Variants in RUFY2 observed in about 807,000 individuals in gnomAD.
RUFY2 encodes the protein RUN and FYVE domain containing 2.
Under a neutral mutation model 94.4 loss-of-function variants are expected in RUFY2, and 49 were observed. That is an observed-to-expected ratio of 0.52 (90% confidence interval 0.41 to 0.66). The LOEUF is 0.66. Among genes scored for constraint, RUFY2 ranks in the 30% least tolerant of loss-of-function variants. The pLI is 0.00. For missense variants in RUFY2, 541 were observed against 692.8 expected, an observed-to-expected ratio of 0.78 and a Z score of 2.46; for synonymous variants, 255 against 235.7, an observed-to-expected ratio of 1.08 and a Z score of -0.75.
chr10:68,386,499 G>A (rs1180981650), intron 7 of RUFY2, among the ~76,000 whole-genome samples: 5 of 152,046 alleles, frequency 3.3e-5, no homozygotes, highest in Admixed American at 6.6e-5. Context: ...ACAGGCGTGC[G>A]CCACCATGCC....
At chr10:68,348,182 A>C (rs1247048351) in intron 16 of RUFY2, among the ~76,000 whole-genome samples, 1 of 150,368 alleles carries the variant, frequency 6.7e-6, no homozygotes, top group Non-Finnish European at 1.5e-5. Context: ...CTTGAATCAT[A>C]GAATTTTTTT....
chr10:68,402,017 T>G (rs988279227), intron 2 of RUFY2, among the ~76,000 whole-genome samples: 1 of 152,324 alleles, frequency 6.6e-6, no homozygotes, highest in Admixed American at 6.5e-5. Flanking sequence ...GCACTCATTC[T>G]CTACCAATAC....
In RUFY2 at chr10:68,354,415, ATCC is replaced by A. The variant is rs558993399; in HGVS notation, c.1599+935_1599+937del. On this transcript the variant is annotated intron_variant, in intron 16 of 17. Transcript: ENST00000602465. ...GGTCTTGAACTCCTGGCCTCAAGCA[ATCC>A]TCCTGCCTTGGCCTCCCAAAGTGCT... Among the ~76,000 whole-genome samples the A allele has an allele frequency of 1.1e-4, 16 of 152,226 alleles. No individual in the cohort carries two copies. The East Asian group carries it at 3.1e-3, about 29-fold the overall frequency.
At position 68,376,939 on chromosome 10, in the gene RUFY2, A is replaced by G; in HGVS notation, c.1239T>C (p.Ala413=). The G allele has an allele frequency of 6.2e-7, 1 of 1,613,764 alleles. No homozygotes were observed. Among genetic ancestry groups the G allele is most frequent in the Non-Finnish European group, 8.5e-7 (1 of 1,179,906 alleles). ...LQQAEKAQME[A]EDEDEKYLQE... ...GTAGATATTTCTCATCCTCATCTTC[A>G]GCTTCCATTTGCGCCTTCTCTGCTT... The change falls in exon 13 of 18, where the codon GCT becomes GCC. Residue 413 remains alanine, a synonymous_variant. Transcript: ENST00000602465.
chr10:68,368,729 A>C (rs2048041740), intron 13 of RUFY2, among the ~76,000 whole-genome samples: 1 of 152,190 alleles, frequency 6.6e-6, no homozygotes, highest in Non-Finnish European at 1.5e-5. Context: ...GAACTCCAGG[A>C]ATCAAAGAAC....
intron 1 of RUFY2, among the ~76,000 whole-genome samples, chr10:68,406,209 G>A (rs1394219207): frequency 1.3e-5 from 2 of 151,972 alleles, no homozygotes; most frequent in Admixed American, 1.3e-4. Context: ...CAATGATCTA[G>A]TATTCCAGCT....
intron 3 of RUFY2, among the ~76,000 whole-genome samples, chr10:68,400,416 C>T (rs1469264676): frequency 6.6e-6 from 1 of 152,134 alleles, no homozygotes; most frequent in Non-Finnish European, 1.5e-5. Flanking sequence ...GTGGCTCACG[C>T]CTGTAATCCC....
At chr10:68,374,753 G>C (rs1030355048) in intron 13 of RUFY2, among the ~76,000 whole-genome samples, 2 of 151,922 alleles carry the variant, frequency 1.3e-5, no homozygotes, top group Non-Finnish European at 2.9e-5. Flanking sequence ...TTCCATTGTT[G>C]TTTTCTTTTT....
intron 7 of RUFY2, among the ~76,000 whole-genome samples, chr10:68,392,562 T>G (rs2050080559): frequency 6.6e-6 from 1 of 152,104 alleles, no homozygotes; most frequent in African/African-American, 2.4e-5. Context: ...ACCTTAGCCT[T>G]TTTTGTCAAG....
chr10:68,363,533 T>C, intron 15 of RUFY2, 57 bp downstream of exon 15: 1 of 1,170,784 alleles, frequency 8.5e-7, no homozygotes, highest in Non-Finnish European at 1.2e-6. Context: ...TTTGGCACAC[T>C]TATACCTTTT....
intron 15 of RUFY2, 101 bp downstream of exon 15, chr10:68,363,489 T>C (rs911180231): frequency 6.8e-6 from 5 of 738,994 alleles, no homozygotes; most frequent in African/African-American, 3.6e-5. Context: ...CTAGTTCGTA[T>C]CTTTCCTATA....
chr10:68,366,680 T>C (rs2047844428), intron 13 of RUFY2, among the ~76,000 whole-genome samples: 1 of 147,014 alleles, frequency 6.8e-6, no homozygotes, highest in African/African-American at 2.5e-5. Context: ...AGGTAGAGGT[T>C]GCAGTGAGCT....
Position 68,394,127 on chromosome 10 carries a change from T to A in RUFY2, c.532A>T (p.Ile178Phe). The change falls in exon 6 of 18, where the codon ATT becomes TTT. Residue 178 changes from isoleucine to phenylalanine, a missense_variant. Physicochemically the swap from Ile to Phe is conservative, Grantham distance 21 (BLOSUM62 0). This residue lies in a region of RUFY2 where 403 missense variants were observed against 480.7 expected (regional missense o/e 0.84). Coordinates refer to ENST00000602465, the MANE Select transcript of RUFY2 (RefSeq NM_001330103.2). ...GEDLDSQVGV[I>F]DFSMYLKNEE... ...TTCTTTAAATACATAGAAAAATCAA[T>A]CACTCCAACCTGAAGTAAATAAAGT... The A allele has an allele frequency of 6.7e-7, 1 of 1,501,542 alleles. No homozygotes were observed. The highest frequency in any genetic ancestry group is 8.9e-7 in the Non-Finnish European group (1 of 1,119,216). 93.0% of individuals were successfully genotyped at this position (1,501,542 alleles called of 1,614,324 possible).
intron 7 of RUFY2, among the ~76,000 whole-genome samples, chr10:68,388,265 C>T (rs200341483): frequency 6.6e-6 from 1 of 151,794 alleles, no homozygotes; most frequent in East Asian, 2.0e-4. Context: ...GAGTTTGAGA[C>T]CAGCCTGACC....
chr10:68,387,200 T>C (rs572467135), intron 7 of RUFY2, among the ~76,000 whole-genome samples: 3 of 152,130 alleles, frequency 2.0e-5, no homozygotes, highest in South Asian at 4.1e-4. Flanking sequence ...CTACTAAAAA[T>C]ACAAAACTTA....
At chr10:68,406,761 C>G (rs1426452437) in intron 1 of RUFY2, 15 of 1,610,556 alleles carry the variant, frequency 9.3e-6, no homozygotes, top group Non-Finnish European at 1.3e-5. Context: ...CACCCAGGCT[C>G]CTGCGCGTCA....
chr10:68,356,310 C>G (rs1286650096), intron 15 of RUFY2, among the ~76,000 whole-genome samples: 2 of 151,948 alleles, frequency 1.3e-5, no homozygotes, highest in Non-Finnish European at 2.9e-5. Flanking sequence ...TCGAGACCAG[C>G]CTGGTCAATA....
chr10:68,377,759 T>C (rs1434136737), intron 12 of RUFY2: 1 of 984,014 alleles, frequency 1.0e-6, no homozygotes, highest in Non-Finnish European at 1.2e-6. Flanking sequence ...AATATTTTTA[T>C]AAGAAAATAT....
chr10:68,407,118 C>G (rs2051389179), intron 1 of RUFY2, 68 bp downstream of exon 1: 22 of 1,515,738 alleles, frequency 1.5e-5, no homozygotes, highest in Non-Finnish European at 1.9e-5. Flanking sequence ...CCCAGTCCAC[C>G]CCGCCTGGCC....
Sources: allele counts gnomAD v4.1 joint callset (sites outside exome capture counted in the v4.1 genomes callset), GRCh38; gene constraint gnomAD v4.1.1; regional missense constraint gnomAD v4.1.1; transcripts MANE v1.5; gene names NCBI Gene and HGNC (gene_info 2026-07-23, HGNC 2026-07-21).